The following ST7 variants were observed in gnomAD, a reference collection of about 807,000 sequenced individuals.
ST7 encodes suppressor of tumorigenicity 7 protein.
Under a neutral mutation model 78.7 loss-of-function variants are expected in ST7, and 28 were observed. The observed-to-expected ratio is 0.36, with a 90% CI of 0.26 to 0.49. The LOEUF is 0.49. Among genes scored for constraint, ST7 ranks in the 20% least tolerant of loss-of-function variants. The probability of loss-of-function intolerance (pLI) is 0.99; values close to 1 mark genes in which losing one functional copy is unlikely to be tolerated. For missense variants in ST7, 418 were observed against 696.0 expected (o/e 0.60, Z 4.49); for synonymous variants, 247 against 249.6 (o/e 0.99, Z 0.10).
At chr7:117,204,074 G>A (rs146756784) in intron 12 of ST7, among the ~76,000 whole-genome samples, 1 of 152,304 alleles carries the variant, frequency 6.6e-6, no homozygotes, top group East Asian at 1.9e-4. Context: ...CTTTATGCTT[G>A]CCTCCATATC....
intron 1 of ST7, among the ~76,000 whole-genome samples, chr7:117,009,465 C>T (rs1267709338): frequency 6.6e-6 from 1 of 151,992 alleles, no homozygotes; most frequent in East Asian, 1.9e-4. Flanking sequence ...GTTTGTTGTA[C>T]AAACCTATAG....
chr7:117,108,029 C>G (rs1802119423), intron 2 of ST7, among the ~76,000 whole-genome samples: 2 of 151,882 alleles, frequency 1.3e-5, no homozygotes, highest in African/African-American at 4.8e-5. Context: ...TTTTCTGCCA[C>G]TCTGTGGGGT....
chr7:117,099,571 A>G lies in ST7; in HGVS notation c.152-191A>G, dbSNP rs372140830. On this transcript the variant is annotated intron_variant, in intron 1 of 15. Coordinates refer to ENST00000323984, the MANE Select transcript of ST7 (RefSeq NM_001369598.1). ...GTATGTAGCTTTTTTCTTTCAGTATATATTACTTGACACCTAGTATTCTGA... is the reference window on the plus strand; with the variant it reads ...GTATGTAGCTTTTTTCTTTCAGTATGTATTACTTGACACCTAGTATTCTGA... Among the ~76,000 whole-genome samples the G allele has an allele frequency of 9.3e-4, 142 of 152,300 alleles. 4 individuals are homozygous for G. In the South Asian group the frequency reaches 0.025, roughly 27 times the overall value.
rs1328607082 is a variant in ST7, at chr7:117,214,564, A to G, written c.1406-4520A>G. ...AAGAGAAATTCCACCACCCTCCCCC[A>G]TAGATCTAAGGCTAAATTCTGTAAT... On this transcript the variant is annotated intron_variant, in intron 13 of 15. Transcript: ENST00000323984. Among the ~76,000 whole-genome samples the G allele has an allele frequency of 4.6e-5, 7 of 152,138 alleles. No homozygotes were observed. The East Asian group carries it at 7.7e-4, about 17-fold the overall frequency.
At chr7:117,031,420 G>A (rs372519791) in intron 1 of ST7, among the ~76,000 whole-genome samples, 11,437 of 14,588 alleles carry the variant, frequency 0.78, 5,234 homozygotes, top group East Asian at 0.93. Flanking sequence ...ATATATGTGT[G>A]TATATGTGCA....
chr7:117,102,866 C>T (rs1007991346), intron 2 of ST7, among the ~76,000 whole-genome samples: 7 of 152,032 alleles, frequency 4.6e-5, no homozygotes, highest in African/African-American at 1.7e-4. Flanking sequence ...AACTGATAAA[C>T]GAATTCAATA....
At chr7:117,186,398 G>T (rs1176782352) in intron 10 of ST7, among the ~76,000 whole-genome samples, 2 of 152,190 alleles carry the variant, frequency 1.3e-5, no homozygotes, top group African/African-American at 4.8e-5. Context: ...CAAAGTAACT[G>T]ATGGGCGGGT....
At chr7:116,992,464 A>T (rs1035065103) in intron 1 of ST7, among the ~76,000 whole-genome samples, 1 of 152,186 alleles carries the variant, frequency 6.6e-6, no homozygotes, top group Non-Finnish European at 1.5e-5. Context: ...CCTGAGCTTT[A>T]TACTGGCCCC....
intron 12 of ST7, among the ~76,000 whole-genome samples, chr7:117,197,542 A>T (rs1203516513): frequency 6.6e-6 from 1 of 152,212 alleles, no homozygotes; most frequent in Non-Finnish European, 1.5e-5. Context: ...ATCAGCAGAC[A>T]ACTCCTTCTT....
intron 1 of ST7, among the ~76,000 whole-genome samples, chr7:117,043,711 C>G (rs1797346839): frequency 6.6e-6 from 1 of 152,142 alleles, no homozygotes; most frequent in Admixed American, 6.5e-5. Context: ...TCATTGCAAT[C>G]CCTCAGATTA....
intron 1 of ST7, among the ~76,000 whole-genome samples, chr7:116,997,198 C>G (rs1042356874): frequency 2.6e-5 from 4 of 152,140 alleles, no homozygotes; most frequent in Admixed American, 2.6e-4. Flanking sequence ...AGTGCCGACC[C>G]AAAGAGTGAG....
At chr7:117,097,410 C>G (rs776094989) in intron 1 of ST7, among the ~76,000 whole-genome samples, 2 of 150,528 alleles carry the variant, frequency 1.3e-5, no homozygotes, top group Non-Finnish European at 3.0e-5. Context: ...ACGGCAACTT[C>G]CGCCTCCCGG....
chr7:116,953,744 G>A (rs1242739215), intron 1 of ST7, 53 bp downstream of exon 1: 24 of 1,296,104 alleles, frequency 1.9e-5, no homozygotes, highest in South Asian at 1.1e-4. Flanking sequence ...GCCCCGGAAA[G>A]TTAGTGCAAC....
intron 1 of ST7, chr7:116,958,759 A>C (rs1300375530): frequency 2.2e-6 from 1 of 456,602 alleles, no homozygotes; most frequent in Non-Finnish European, 4.5e-6. Flanking sequence ...TTATATTAAG[A>C]GTGCAGTAGC....
At chr7:117,104,186 A>G (rs1290392561) in intron 2 of ST7, among the ~76,000 whole-genome samples, 1 of 152,188 alleles carries the variant, frequency 6.6e-6, no homozygotes, top group East Asian at 1.9e-4. Context: ...CACGCCTGCA[A>G]TCACAGCACT....
At chr7:116,980,268 T>C (rs1793899913) in intron 1 of ST7, among the ~76,000 whole-genome samples, 1 of 152,192 alleles carries the variant, frequency 6.6e-6, no homozygotes, top group Non-Finnish European at 1.5e-5. Flanking sequence ...TTCATATTCC[T>C]GATCACCTTA....
intron 1 of ST7, among the ~76,000 whole-genome samples, chr7:117,088,447 G>A (rs963889302): frequency 6.6e-6 from 1 of 152,126 alleles, no homozygotes; most frequent in African/African-American, 2.4e-5. Flanking sequence ...GAATATAGAT[G>A]TTATTCCGTT....
chr7:117,160,147 C>CACTTGA (rs1326676081), intron 9 of ST7, among the ~76,000 whole-genome samples: 1 of 144,230 alleles, frequency 6.9e-6, no homozygotes, highest in East Asian at 2.2e-4. Context: ...GCAGGAGTAT[C>CACTTGA]ACTTGAACCC....
chr7:117,105,925 G>A (rs113324101), intron 2 of ST7, among the ~76,000 whole-genome samples: 2,057 of 152,152 alleles, frequency 0.014, 48 homozygotes, highest in African/African-American at 0.046. Flanking sequence ...TAAGCCATTC[G>A]TTTTTCAGAG....
Sources: allele counts gnomAD v4.1 joint callset (sites outside exome capture counted in the v4.1 genomes callset), GRCh38; gene constraint gnomAD v4.1.1; transcripts MANE v1.5; gene names NCBI Gene and HGNC (gene_info 2026-07-23, HGNC 2026-07-21).